Variants in FHIT observed in about 807,000 individuals in gnomAD.
FHIT encodes the protein fragile histidine triad diadenosine triphosphatase.
Under a neutral mutation model 17.9 loss-of-function variants are expected in FHIT, and 19 were observed. That is an observed-to-expected ratio of 1.06 (90% CI 0.74 to 1.56). FHIT has a LOEUF of 1.56. Ranked by LOEUF, FHIT falls within the 40% of genes most tolerant of loss-of-function variation. The pLI, the probability that FHIT is intolerant of heterozygous loss-of-function variation, is 0.00. For missense variants in FHIT, 248 were observed against 189.2 expected, an observed-to-expected ratio of 1.31 and a Z score of -1.82; for synonymous variants, 81 against 69.7, an observed-to-expected ratio of 1.16 and a Z score of -0.81.
chr3:60,132,705 C>T (rs752088480), intron 5 of FHIT, among the ~76,000 whole-genome samples: 121 of 152,018 alleles, frequency 8.0e-4, no homozygotes, highest in Non-Finnish European at 1.3e-3. Context: ...TGTACATTTT[C>T]CCCTGATTGT....
At chr3:60,040,241 G>A (rs1290403455) in intron 5 of FHIT, among the ~76,000 whole-genome samples, 1 of 151,980 alleles carries the variant, frequency 6.6e-6, no homozygotes, top group African/African-American at 2.4e-5. Flanking sequence ...CGCCTCCCAG[G>A]CTCAAGCAAT....
intron 4 of FHIT, among the ~76,000 whole-genome samples, chr3:60,564,980 G>C (rs899065993): frequency 3.3e-5 from 5 of 152,112 alleles, no homozygotes; most frequent in Admixed American, 3.3e-4. Flanking sequence ...GAATCAATCA[G>C]TATGGCAAAC....
chr3:60,371,608 G>T (rs1700332697), intron 5 of FHIT, among the ~76,000 whole-genome samples: 1 of 152,074 alleles, frequency 6.6e-6, no homozygotes, highest in African/African-American at 2.4e-5. Context: ...GGAATGAAAA[G>T]CAATAACTTC....
At chr3:60,007,867 T>A (rs1034105676) in intron 7 of FHIT, among the ~76,000 whole-genome samples, 2 of 152,042 alleles carry the variant, frequency 1.3e-5, no homozygotes, top group African/African-American at 4.8e-5. Context: ...CTTGCATGGG[T>A]GTTAGGTCAG....
chr3:60,573,494 C>A (rs1051760161), intron 4 of FHIT, among the ~76,000 whole-genome samples: 3 of 152,160 alleles, frequency 2.0e-5, no homozygotes, highest in African/African-American at 7.2e-5. Flanking sequence ...AGAGGACTTT[C>A]ATCCCTTCCC....
intron 5 of FHIT, among the ~76,000 whole-genome samples, chr3:60,263,767 G>C (rs186583738): frequency 1.9e-4 from 29 of 151,970 alleles, no homozygotes; most frequent in Middle Eastern, 3.4e-3. Flanking sequence ...TATGTGTGTT[G>C]CTGTATATAA....
chr3:60,532,804 C>G (rs2035835149), intron 5 of FHIT, among the ~76,000 whole-genome samples: 1 of 152,118 alleles, frequency 6.6e-6, no homozygotes, highest in South Asian at 2.1e-4. Flanking sequence ...AGTTCTTTTT[C>G]TTTCTCTGAA....
chr3:61,078,828 T>G (rs1172489974), intron 2 of FHIT, among the ~76,000 whole-genome samples: 1 of 152,176 alleles, frequency 6.6e-6, no homozygotes, highest in Non-Finnish European at 1.5e-5. Flanking sequence ...CAATGAAAAG[T>G]GATACAGCTG....
intron 5 of FHIT, among the ~76,000 whole-genome samples, chr3:60,360,809 G>T (rs540322179): frequency 1.3e-5 from 2 of 152,172 alleles, no homozygotes; most frequent in East Asian, 3.9e-4. Context: ...ACCCAGGCTT[G>T]GAATGTCTGA....
intron 5 of FHIT, among the ~76,000 whole-genome samples, chr3:60,368,221 G>A (rs894529094): frequency 6.7e-6 from 1 of 149,414 alleles, no homozygotes; most frequent in African/African-American, 2.5e-5. Flanking sequence ...AAGAAACTGA[G>A]GAACTGTTTT....
At chr3:60,155,300 T>G (rs948580182) in intron 5 of FHIT, among the ~76,000 whole-genome samples, 1 of 152,138 alleles carries the variant, frequency 6.6e-6, no homozygotes, top group Non-Finnish European at 1.5e-5. Context: ...TACTTTCCAT[T>G]CTTTGAACCC....
intron 4 of FHIT, among the ~76,000 whole-genome samples, chr3:60,687,971 T>TC (rs1350199080): frequency 6.6e-6 from 1 of 150,670 alleles, no homozygotes; most frequent in Non-Finnish European, 1.5e-5. Context: ...CAAGATTACT[T>TC]TTTTTTTTAA....
chr3:61,221,737 C>G (rs868631450), intron 1 of FHIT, among the ~76,000 whole-genome samples: 34 of 152,200 alleles, frequency 2.2e-4, no homozygotes, highest in South Asian at 6.2e-4. Context: ...TTCCTGCATG[C>G]CTGCCTCATT....
intron 2 of FHIT, among the ~76,000 whole-genome samples, chr3:61,139,545 G>T (rs1359468106): frequency 6.6e-6 from 1 of 150,800 alleles, no homozygotes; most frequent in African/African-American, 2.4e-5. Context: ...TTAGCTCTCG[G>T]TGATAAGTAA....
chr3:60,771,875 C>T (rs1700054480), intron 4 of FHIT, among the ~76,000 whole-genome samples: 1 of 152,158 alleles, frequency 6.6e-6, no homozygotes, highest in African/African-American at 2.4e-5. Flanking sequence ...TTCACATTCT[C>T]TTCTTCAAGA....
At chr3:61,006,587 C>T (rs919208600) in intron 3 of FHIT, among the ~76,000 whole-genome samples, 3 of 141,068 alleles carry the variant, frequency 2.1e-5, no homozygotes, top group African/African-American at 7.9e-5. Context: ...AAGTCCCCCA[C>T]TGATTTGGAA....
At chr3:61,175,094 A>G (rs1400239408) in intron 2 of FHIT, among the ~76,000 whole-genome samples, 1 of 152,212 alleles carries the variant, frequency 6.6e-6, no homozygotes, top group Non-Finnish European at 1.5e-5. Context: ...GACAAAGGTA[A>G]GGTTTACATG....
intron 5 of FHIT, among the ~76,000 whole-genome samples, chr3:60,125,501 G>A (rs538474778): frequency 6.6e-6 from 1 of 151,882 alleles, no homozygotes; most frequent in South Asian, 2.1e-4. Context: ...GTGTGGTGGT[G>A]CATGCCTGTA....
intron 4 of FHIT, among the ~76,000 whole-genome samples, chr3:60,812,837 G>A (rs1701614644): frequency 6.6e-6 from 1 of 152,120 alleles, no homozygotes; most frequent in African/African-American, 2.4e-5. Context: ...TTTGAAGGCT[G>A]GCTCTGCTAT....
Sources: allele counts gnomAD v4.1 joint callset (sites outside exome capture counted in the v4.1 genomes callset), GRCh38; gene constraint gnomAD v4.1.1; transcripts MANE v1.5; gene names NCBI Gene and HGNC (gene_info 2026-07-23, HGNC 2026-07-21).